Variants in CYBRD1 observed in about 807,000 individuals in gnomAD.
CYBRD1 encodes the protein plasma membrane ascorbate-dependent reductase CYBRD1.
A neutral mutation model predicts 21.9 loss-of-function variants in CYBRD1; 14 were observed. That is an observed-to-expected ratio of 0.64 (90% CI 0.42 to 1.00). CYBRD1 has a LOEUF of 1.00. Ranked by LOEUF, CYBRD1 falls within the 50% of genes least tolerant of loss-of-function variation. The probability of loss-of-function intolerance (pLI) is 0.00; values close to 1 mark genes in which losing one functional copy is unlikely to be tolerated. For missense variants in CYBRD1, 328 were observed against 352.5 expected, an observed-to-expected ratio of 0.93 and a Z score of 0.56; for synonymous variants, 146 against 136.5, an observed-to-expected ratio of 1.07 and a Z score of -0.48.
chr2:171,556,604 GC>G lies in CYBRD1; in HGVS notation c.*1779del, dbSNP rs1683492547. On this transcript the variant is annotated 3_prime_UTR_variant, in exon 4 of 4. Coordinates refer to ENST00000321348, the MANE Select transcript of CYBRD1 (RefSeq NM_024843.4). Reference sequence around the variant, plus strand: ...ACTTACTTCCAAAGACTGAATACAAGCCACACTCCATCATATCCCTTAAACT... The same window carrying G: ...ACTTACTTCCAAAGACTGAATACAAGCACACTCCATCATATCCCTTAAACT... 6.6e-6 allele frequency: 1 copy of G among 152,074 alleles called. No homozygotes were observed. Among genetic ancestry groups the G allele is most frequent in the South Asian group, 2.1e-4 (1 of 4,818 alleles). 9.4% of individuals were successfully genotyped at this position (152,074 alleles called of 1,614,324 possible). A position where few individuals can be genotyped will look rare whatever the true frequency, so the allele number is the denominator to read the frequency against.
intron 1 of CYBRD1, among the ~76,000 whole-genome samples, chr2:171,540,150 T>A (rs929020481): frequency 6.6e-6 from 1 of 152,206 alleles, no homozygotes; most frequent in African/African-American, 2.4e-5. Flanking sequence ...TCAAAATCCC[T>A]TGTGTGTTCC....
At chr2:171,524,651 A>G (rs1697358649) in intron 1 of CYBRD1, among the ~76,000 whole-genome samples, 1 of 152,230 alleles carries the variant, frequency 6.6e-6, no homozygotes, top group African/African-American at 2.4e-5. Context: ...TAACTTACCC[A>G]TGAAAGTTGT....
rs1460229209 is a variant in CYBRD1, at chr2:171,541,607, G to A, written c.216G>A (p.Pro72=). ...QGIAIIVYRL[P]WTWKCSKLLM... ...TAGCCATCATCGTCTACAGACTGCCGTGGACCTGGAAATGCAGCAAGCTCC... is the reference window on the plus strand; with the variant it reads ...TAGCCATCATCGTCTACAGACTGCCATGGACCTGGAAATGCAGCAAGCTCC... The change falls in exon 2 of 4, where the codon CCG becomes CCA. Residue 72 remains proline (P), a synonymous_variant. Transcript: ENST00000321348. 3.7e-6 allele frequency: 6 copies of A among 1,613,844 alleles called. No homozygotes were observed. The highest frequency in any genetic ancestry group is 3.3e-5 in the Admixed American group (2 of 59,980).
chr2:171,549,836 G>A (rs1248272541), intron 2 of CYBRD1, among the ~76,000 whole-genome samples: 3 of 152,146 alleles, frequency 2.0e-5, no homozygotes, highest in Non-Finnish European at 2.9e-5. Context: ...TAAACACTGG[G>A]GCACTTTGTT....
intron 2 of CYBRD1, among the ~76,000 whole-genome samples, chr2:171,542,234 G>A (rs561858147): frequency 6.6e-6 from 1 of 152,078 alleles, no homozygotes; most frequent in Non-Finnish European, 1.5e-5. Flanking sequence ...GAGAGCACCA[G>A]AATTGCAGAA....
chr2:171,523,426 G>A (rs960748), intron 1 of CYBRD1: 130,088 of 220,412 alleles, frequency 0.59, 39,638 homozygotes, highest in East Asian at 0.85. Context: ...AGTGTGTTTC[G>A]CCGCCCTGCC....
intron 2 of CYBRD1, among the ~76,000 whole-genome samples, chr2:171,547,981 G>T (rs971299186): frequency 6.6e-6 from 1 of 152,136 alleles, no homozygotes; most frequent in Non-Finnish European, 1.5e-5. Flanking sequence ...TTGCCAAGTT[G>T]ATGTGATGAA....
intron 2 of CYBRD1, 147 bp downstream of exon 2, chr2:171,541,940 C>A: frequency 1.5e-6 from 1 of 669,306 alleles, no homozygotes; most frequent in Non-Finnish European, 2.5e-6. Flanking sequence ...TCTTGGCTCA[C>A]TGCAACCACT....
Position 171,554,844 on chromosome 2 carries a change from A to G in CYBRD1, c.*17A>G, listed in dbSNP as rs376023294. The G allele has an allele frequency of 2.5e-6, 4 of 1,611,854 alleles. No individual in the cohort carries two copies. In the African/African-American group the frequency reaches 5.3e-5, roughly 22 times the overall value. ...ACCATGTAAAATGTTGTAGAGATAG[A>G]GCCATATAACGTCACGTTTCAAAAC... On this transcript the variant is annotated 3_prime_UTR_variant, in exon 4 of 4. Transcript: ENST00000321348.
At chr2:171,547,830 T>C (rs1187490258) in intron 2 of CYBRD1, among the ~76,000 whole-genome samples, 1 of 151,616 alleles carries the variant, frequency 6.6e-6, no homozygotes, top group Non-Finnish European at 1.5e-5. Flanking sequence ...AATAAGACAA[T>C]AGAGGTTTGC....
rs62181678 is a variant in CYBRD1, at chr2:171,541,581, C to G, written c.194-4C>G. On this transcript the variant is annotated splice_polypyrimidine_tract_variant and splice_region_variant and intron_variant, in intron 1 of 3. Transcript: ENST00000321348. ...ACATTCTGTGTCCTTTCGTCTTTCC[C>G]TAGCCATCATCGTCTACAGACTGCC... The G allele has an allele frequency of 0.11, 170,298 of 1,612,944 alleles. 9,806 individuals are homozygous for G. Among genetic ancestry groups the G allele is most frequent in the Middle Eastern group, 0.14 (843 of 6,054 alleles).
chr2:171,550,196 T>G (rs933528666), intron 2 of CYBRD1, among the ~76,000 whole-genome samples: 1 of 152,042 alleles, frequency 6.6e-6, no homozygotes. Flanking sequence ...ACCTCCGCCA[T>G]CCGGGTTCAA....
At position 171,554,761 on chromosome 2, in the gene CYBRD1, C is replaced by A. The variant is rs1490844265; in HGVS notation, c.795C>A (p.Asn265Lys). ...NNMDKSDSEL[N>K]SEVAARKRNL... is the part of the protein sequence containing the mutation. Reference sequence around the variant, plus strand: ...TGGACAAATCAGATTCAGAGTTAAACAGTGAAGTAGCAGCAAGGAAAAGAA... The same window carrying A: ...TGGACAAATCAGATTCAGAGTTAAAAAGTGAAGTAGCAGCAAGGAAAAGAA... The change falls in exon 4 of 4, where the codon AAC (asparagine) becomes AAA (lysine). Residue 265 changes from asparagine (N) to lysine (K), a missense_variant. Coordinates refer to ENST00000321348, the MANE Select transcript of CYBRD1 (RefSeq NM_024843.4). 2 of 1,613,990 alleles carry A rather than the reference C, an allele frequency of 1.2e-6. No homozygotes were observed. Among genetic ancestry groups the A allele is most frequent in the South Asian group, 2.2e-5 (2 of 91,086 alleles).
intron 2 of CYBRD1, among the ~76,000 whole-genome samples, chr2:171,544,900 A>T (rs1697686799): frequency 6.6e-6 from 1 of 152,128 alleles, no homozygotes. Flanking sequence ...GCACTTTGGG[A>T]TGCCTAGGTG....
intron 1 of CYBRD1, among the ~76,000 whole-genome samples, chr2:171,527,309 T>C (rs1405410008): frequency 6.6e-6 from 1 of 152,178 alleles, no homozygotes; most frequent in Non-Finnish European, 1.5e-5. Flanking sequence ...AATAAAAATG[T>C]TTTAGATATG....
At chr2:171,553,053 A>G (rs147664322) in intron 2 of CYBRD1, among the ~76,000 whole-genome samples, 20 of 152,346 alleles carry the variant, frequency 1.3e-4, no homozygotes, top group African/African-American at 4.3e-4. Context: ...ATTAAAAGGA[A>G]TAAATTAGGT....
chr2:171,553,581 AT>A, intron 3 of CYBRD1, 81 bp downstream of exon 3: 3 of 1,263,880 alleles, frequency 2.4e-6, no homozygotes, highest in Non-Finnish European at 3.1e-6. Context: ...TGTAATAAAA[AT>A]ATAACAAAAT....
intron 1 of CYBRD1, 101 bp from the exon 2 acceptor site, chr2:171,541,484 A>G: frequency 8.5e-7 from 1 of 1,174,268 alleles, no homozygotes; most frequent in South Asian, 1.3e-5. Context: ...GCCAAGGGAA[A>G]AAGGTTTCAA....
chr2:171,528,979 A>G (rs1392925026), intron 1 of CYBRD1, among the ~76,000 whole-genome samples: 2 of 152,210 alleles, frequency 1.3e-5, no homozygotes, highest in African/African-American at 2.4e-5. Context: ...CTATTAATTT[A>G]TTGTCTGTCT....
Sources: allele counts gnomAD v4.1 joint callset (sites outside exome capture counted in the v4.1 genomes callset), GRCh38; gene constraint gnomAD v4.1.1; transcripts MANE v1.5; gene names NCBI Gene and HGNC (gene_info 2026-07-23, HGNC 2026-07-21).